Variants in DESI2 observed in about 807,000 individuals in gnomAD.
The protein encoded by DESI2 is deubiquitinase DESI2.
A neutral mutation model predicts 24.1 loss-of-function variants in DESI2; 10 were observed. The ratio of observed to expected loss-of-function variants is 0.41; its 90% CI spans 0.26 to 0.70. DESI2 has a LOEUF of 0.70. Ranked by LOEUF, DESI2 falls within the 30% of genes least tolerant of loss-of-function variation. The pLI, the probability that DESI2 is intolerant of heterozygous loss-of-function variation, is 0.29. For synonymous variants in DESI2, 71 were observed against 87.7 expected, an observed-to-expected ratio of 0.81 and a Z score of 1.06; for missense variants, 122 against 234.9, an observed-to-expected ratio of 0.52 and a Z score of 3.14.
intron 2 of DESI2, among the ~76,000 whole-genome samples, chr1:244,687,055 A>G (rs1046272982): frequency 3.3e-5 from 5 of 152,204 alleles, no homozygotes; most frequent in Non-Finnish European, 7.4e-5. Context: ...TTGGTCGGAA[A>G]GGTTGGTGCT....
intron 1 of DESI2, among the ~76,000 whole-genome samples, chr1:244,673,470 C>CT (rs1471678652): frequency 6.6e-6 from 1 of 152,078 alleles, no homozygotes; most frequent in African/African-American, 2.4e-5. Context: ...TGATATATTC[C>CT]TTTTTTATAT....
Position 244,653,350 on chromosome 1 carries a change from G to A in DESI2, c.37G>A (p.Asp13Asn). 1 of 1,544,234 alleles carries A rather than the reference G, an allele frequency of 6.5e-7. No individual in the cohort carries two copies. Among genetic ancestry groups the A allele is most frequent in the Non-Finnish European group, 8.7e-7 (1 of 1,152,380 alleles). Residue 13 changes from aspartate (D) to asparagine (N), a missense_variant, in exon 1 of 5, where the codon GAC becomes AAC. By Grantham distance (23) the Asp-to-Asn change is conservative. Around this residue, in one of 6 missense-constraint regions of DESI2, gnomAD observed 15 missense variants for 18.5 expected, o/e 0.81. Coordinates refer to ENST00000302550, the MANE Select transcript of DESI2 (RefSeq NM_016076.5). ...CCAGTTAGTGGTGCTCAACGTGTAC[G>A]ACATGGTGAGTGCGGCCCCTGGCGG... ...ANQLVVLNVY[D>N]MYWMNEYTSS...
Position 244,689,480 on chromosome 1 carries a change from A to T in DESI2, c.209+138A>T, listed in dbSNP as rs1676943408. The stretch of plus-strand genomic sequence containing the variant: ...TTTGTTTTAATTGCTGACATTTTAT[A>T]TAACTCAAGTTTGCCTCAGGAAACT... On this transcript the variant is annotated intron_variant, in intron 3 of 4. Coordinates refer to ENST00000302550, the MANE Select transcript of DESI2 (RefSeq NM_016076.5). The surrounding 1 kb of genome is among the most constrained non-coding windows in gnomAD (Gnocchi z 4.0). The T allele has an allele frequency of 1.8e-6, 1 of 560,408 alleles. No individual in the cohort carries two copies. The highest frequency in any genetic ancestry group is 3.2e-6 in the Non-Finnish European group (1 of 311,896). The allele number at this position is 560,408 out of a possible 1,614,324, so 34.7% of individuals were successfully genotyped here. A position where few individuals can be genotyped will look rare whatever the true frequency, so the allele number is the denominator to read the frequency against.
At chr1:244,698,527 C>G (rs1030443017) in intron 4 of DESI2, among the ~76,000 whole-genome samples, 2 of 152,200 alleles carry the variant, frequency 1.3e-5, no homozygotes, top group African/African-American at 4.8e-5. Context: ...GGCCCTTCAG[C>G]ATCTCAGCTT....
chr1:244,691,895 G>C lies in DESI2; in HGVS notation c.226G>C (p.Gly76Arg). The C allele has an allele frequency of 6.4e-7, 1 of 1,572,000 alleles. No individual in the cohort carries two copies. The highest frequency in any genetic ancestry group is 8.6e-7 in the Non-Finnish European group (1 of 1,167,454). The stretch of plus-strand genomic sequence containing the variant: ...TTCTTTAAGAGAAGCTGTTGTTTTA[G>C]GGAGCACGGACTTCCTAGAAGATGA... Reference protein sequence around the residue: ...TFKFKEAVVLGSTDFLEDDIE... With the variant: ...TFKFKEAVVLRSTDFLEDDIE... Residue 76 changes from glycine (G) to arginine (R), a missense_variant, in exon 4 of 5, where the codon GGG (glycine) becomes CGG (arginine). Transcript: ENST00000302550.
chr1:244,700,246 G>T (rs1421777160), intron 4 of DESI2, among the ~76,000 whole-genome samples: 2 of 152,084 alleles, frequency 1.3e-5, no homozygotes, highest in Non-Finnish European at 2.9e-5. Flanking sequence ...TGGGTCTTGG[G>T]CATCCCTGAC....
intron 4 of DESI2, among the ~76,000 whole-genome samples, chr1:244,695,863 A>ACT (rs1677194716): frequency 2.0e-5 from 3 of 152,084 alleles, no homozygotes. Flanking sequence ...GCAGCTGGGA[A>ACT]CTCAGGCTCA....
chr1:244,700,647 C>CT (rs1049057527), intron 4 of DESI2, among the ~76,000 whole-genome samples: 25 of 152,244 alleles, frequency 1.6e-4, no homozygotes, highest in African/African-American at 5.3e-4. Flanking sequence ...GAAACTAGGA[C>CT]TTTTTTACAG....
In DESI2 at chr1:244,653,365, GC is replaced by G; in HGVS notation, c.42+14del. ...CAACGTGTACGACATGGTGAGTGCG[GC>G]CCCTGGCGGCCCCGAGCCCTGGCCC... On this transcript the variant is annotated intron_variant, in intron 1 of 4. Transcript: ENST00000302550. The G allele has an allele frequency of 6.5e-7, 1 of 1,543,378 alleles. No individual in the cohort carries two copies.
At chr1:244,692,737 A>G (rs1677075161) in intron 4 of DESI2, among the ~76,000 whole-genome samples, 1 of 152,100 alleles carries the variant, frequency 6.6e-6, no homozygotes, top group Non-Finnish European at 1.5e-5. Context: ...TACTTCCCTC[A>G]TGGCTTCTAC....
intron 1 of DESI2, among the ~76,000 whole-genome samples, chr1:244,655,392 A>G (rs2148776376): frequency 1.3e-5 from 2 of 152,332 alleles, no homozygotes; most frequent in Middle Eastern, 6.8e-3. Flanking sequence ...GTTTATCGGA[A>G]TGATAAATAG....
At chr1:244,693,003 G>A (rs1420591230) in intron 4 of DESI2, among the ~76,000 whole-genome samples, 2 of 152,176 alleles carry the variant, frequency 1.3e-5, no homozygotes, top group Non-Finnish European at 2.9e-5. Flanking sequence ...TCAGGCAGGG[G>A]GAAGGTAGTT....
intron 1 of DESI2, 34 bp downstream of exon 1, chr1:244,653,389 C>A: frequency 6.5e-7 from 1 of 1,538,424 alleles, no homozygotes; most frequent in Admixed American, 2.3e-5. Flanking sequence ...CGAGCCCTGG[C>A]CCAGGCCGGC....
At chr1:244,699,354 C>T (rs981716835) in intron 4 of DESI2, among the ~76,000 whole-genome samples, 19 of 151,952 alleles carry the variant, frequency 1.3e-4, no homozygotes, top group African/African-American at 3.9e-4. Flanking sequence ...GAGGCCCAGG[C>T]AGGCAGATCA....
At position 244,707,707 on chromosome 1, in the gene DESI2, A is replaced by G. The variant is rs1324879808; in HGVS notation, c.*1918A>G. 2 of 151,842 alleles carry G rather than the reference A, an allele frequency of 1.3e-5. No individual in the cohort carries two copies. Among genetic ancestry groups the G allele is most frequent in the Admixed American group, 6.6e-5 (1 of 15,246 alleles). The allele number at this position is 151,842 out of a possible 1,614,324, so 9.4% of individuals were successfully genotyped here. A position where few individuals can be genotyped will look rare whatever the true frequency, so the allele number is the denominator to read the frequency against. ...AGTATATATGATTTAAACCTGGGCT[A>G]CTGACACACACACAGTAGCCATTAG... On this transcript the variant is annotated 3_prime_UTR_variant, in exon 5 of 5. Transcript: ENST00000302550.
intron 1 of DESI2, among the ~76,000 whole-genome samples, chr1:244,659,960 G>A (rs890954562): frequency 2.0e-5 from 3 of 152,214 alleles, no homozygotes; most frequent in Non-Finnish European, 4.4e-5. Context: ...TCAGATGCCA[G>A]TAGGGTCCAA....
At chr1:244,684,636 ATTCTTT>A (rs1230601378) in intron 1 of DESI2, among the ~76,000 whole-genome samples, 1 of 151,862 alleles carries the variant, frequency 6.6e-6, no homozygotes, top group Non-Finnish European at 1.5e-5. Flanking sequence ...AGTCAACCTT[ATTCTTT>A]TTTTGATTGA....
intron 4 of DESI2, chr1:244,694,772 A>G: frequency 1.7e-6 from 1 of 574,320 alleles, no homozygotes; most frequent in Non-Finnish European, 3.1e-6. Flanking sequence ...ATTAGAACAC[A>G]GCCATGCTTA....
intron 1 of DESI2, 31 bp from the exon 2 acceptor site, chr1:244,686,566 A>T: frequency 7.0e-7 from 1 of 1,420,786 alleles, no homozygotes; most frequent in Non-Finnish European, 9.9e-7. Flanking sequence ...ATGAACAGGT[A>T]TTCTGAATCT....
Sources: gnomAD v4.1 joint callset for allele counts (sites outside exome capture counted in the v4.1 genomes callset) on GRCh38, gnomAD v4.1.1 for gene constraint, gnomAD v4.1.1 regional missense constraint, Gnocchi (gnomAD v3.1) non-coding constraint, MANE v1.5 for transcripts, NCBI Gene and HGNC (gene_info 2026-07-23, HGNC 2026-07-21) for gene names.